SAGE1: variants seen among roughly 807,000 people sequenced by gnomAD.
SAGE1 encodes the protein sarcoma antigen 1.
A neutral mutation model predicts 55.4 loss-of-function variants in SAGE1; 55 were observed. The ratio of observed to expected loss-of-function variants is 0.99; its 90% CI spans 0.80 to 1.24. SAGE1 has a LOEUF of 1.24. Ranked by LOEUF, SAGE1 falls within the 50% of genes most tolerant of loss-of-function variation. The probability of loss-of-function intolerance (pLI) is 0.00; values close to 1 mark genes in which losing one functional copy is unlikely to be tolerated. For synonymous variants in SAGE1, 240 were observed against 244.3 expected, an observed-to-expected ratio of 0.98 and a Z score of 0.17; for missense variants, 710 against 704.4, an observed-to-expected ratio of 1.01 and a Z score of -0.09.
intron 1 of SAGE1, among the ~76,000 whole-genome samples, chrX:135,895,307 A>G (rs2088568421): frequency 8.9e-6 from 1 of 112,023 alleles, no homozygotes; most frequent in Non-Finnish European, 1.9e-5. Flanking sequence ...CAAAATTGAT[A>G]GTATCCAGGA....
chrX:135,901,276 T>G (rs1210360663), intron 2 of SAGE1, among the ~76,000 whole-genome samples: 3 of 110,908 alleles, frequency 2.7e-5, no homozygotes, highest in Non-Finnish European at 5.7e-5. Context: ...CTTTGGATGA[T>G]GAAAGCCACT....
In SAGE1 at chrX:135,907,727, G is replaced by A. The variant is rs782532764; in HGVS notation, c.1045G>A (p.Glu349Lys). 2.5e-6 allele frequency: 3 copies of A among 1,210,160 alleles called. No individual in the cohort carries two copies. Among genetic ancestry groups the A allele is most frequent in the Non-Finnish European group, 3.4e-6 (3 of 894,240 alleles). The stretch of plus-strand genomic sequence containing the variant: ...TGCTACCATCACTCACAATGTCTGT[G>A]AAGAGAGAGTGGTAAATAACCAACC... The part of the protein sequence containing the change: ...QYATITHNVC[E>K]ERVVNNQPLP... The change falls in exon 10 of 20, where the codon GAA becomes AAA. Residue 349 changes from glutamate to lysine, a missense_variant. Physicochemically the swap from Glu to Lys is moderately conservative, Grantham distance 56. Coordinates refer to ENST00000370709, the MANE Select transcript of SAGE1 (RefSeq NM_001381902.1).
intron 2 of SAGE1, among the ~76,000 whole-genome samples, chrX:135,901,141 TAAAAAA>T (rs10604197): frequency 2.0e-5 from 1 of 48,831 alleles, no homozygotes; most frequent in Middle Eastern, 0.012. Flanking sequence ...AGACTCCGTC[TAAAAAA>T]AAAAAAAAAA....
intron 3 of SAGE1, among the ~76,000 whole-genome samples, chrX:135,903,332 C>T (rs1475020113): frequency 8.9e-6 from 1 of 112,764 alleles, no homozygotes; most frequent in Non-Finnish European, 1.9e-5. Flanking sequence ...CTCCCACAGG[C>T]CTGTGGACTG....
At chrX:135,909,903 C>G in intron 14 of SAGE1, 124 bp downstream of exon 14, 11 of 959,936 alleles carry the variant, frequency 1.1e-5, no homozygotes, top group Non-Finnish European at 1.6e-5. Context: ...GTTCTCAGAT[C>G]GCCATCTGGC....
chrX:135,902,484 C>T (rs2088696788), intron 3 of SAGE1, among the ~76,000 whole-genome samples: 1 of 112,495 alleles, frequency 8.9e-6, no homozygotes, highest in African/African-American at 3.2e-5. Context: ...GGTGAAACAT[C>T]CACAAAGGTG....
At position 135,908,958 on chromosome X, in the gene SAGE1, T is replaced by C; in HGVS notation, c.1536T>C (p.Gly512=). 1 of 1,209,836 alleles carries C rather than the reference T, an allele frequency of 8.3e-7. No individual in the cohort carries two copies. The highest frequency in any genetic ancestry group is 1.1e-6 in the Non-Finnish European group (1 of 893,783). The part of the protein sequence containing the change: ...KVISNDAPQL[G]HMAAGGIPSM... ...TATCAAATGATGCACCACAGCTTGG[T>C]CATATGGCTGCAGGTGGTATTCCAT... Residue 512 remains glycine (G), a synonymous_variant, in exon 13 of 20, where the codon GGT becomes GGC. Transcript: ENST00000370709.
chrX:135,912,961 C>A lies in SAGE1; in HGVS notation c.*64C>A. ...TGCTGTAGGATGGAACAGGTTATTG[C>A]TGAAGCTCCCTATAATCCTGAAATG... On this transcript the variant is annotated 3_prime_UTR_variant, in exon 20 of 20. Coordinates refer to ENST00000370709, the MANE Select transcript of SAGE1 (RefSeq NM_001381902.1). 2.8e-6 allele frequency: 2 copies of A among 709,837 alleles called. No individual in the cohort carries two copies. The highest frequency in any genetic ancestry group is 4.3e-6 in the Non-Finnish European group (2 of 464,863). The allele number at this position is 709,837 out of a possible 1,213,427, so 58.5% of individuals were successfully genotyped here.
At chrX:135,910,195 G>A in intron 15 of SAGE1, 25 bp downstream of exon 15, 2 of 1,184,718 alleles carry the variant, frequency 1.7e-6, no homozygotes, top group African/African-American at 1.7e-5. Flanking sequence ...TTGTTGTACT[G>A]TCATACTTGG....
chrX:135,905,217 T>C (rs1556599667), intron 4 of SAGE1, 35 bp from the exon 5 acceptor site: 2 of 1,184,277 alleles, frequency 1.7e-6, no homozygotes, highest in South Asian at 3.7e-5. Flanking sequence ...ATAATGCACA[T>C]ACCTCACAAC....
At position 135,911,127 on chromosome X, in the gene SAGE1, G is replaced by A. The variant is rs1336727261; in HGVS notation, c.2006-65G>A. Reference sequence around the variant, plus strand: ...CGTCCTGGAAACTGAGCATCAGCAGGATATCCCTGTGGGGTTGTCATTATG... The same window carrying A: ...CGTCCTGGAAACTGAGCATCAGCAGAATATCCCTGTGGGGTTGTCATTATG... On this transcript the variant is annotated intron_variant, in intron 16 of 19. Transcript: ENST00000370709. The A allele has an allele frequency of 5.3e-6, 6 of 1,124,372 alleles. No homozygotes were observed. The Admixed American group carries it at 9.1e-5, about 17-fold the overall frequency. 92.7% of individuals were successfully genotyped at this position (1,124,372 alleles called of 1,213,427 possible). A position where few individuals can be genotyped will look rare whatever the true frequency, so the allele number is the denominator to read the frequency against.
intron 9 of SAGE1, 72 bp downstream of exon 9, chrX:135,907,525 G>A: frequency 9.4e-7 from 1 of 1,058,614 alleles, no homozygotes; most frequent in South Asian, 2.2e-5. Context: ...AAGGGAAGGA[G>A]GTTGTTTTAT....
chrX:135,899,015 A>G (rs1163913637), intron 2 of SAGE1, among the ~76,000 whole-genome samples: 1 of 111,773 alleles, frequency 8.9e-6, no homozygotes, highest in Non-Finnish European at 1.9e-5. Context: ...CCATTTGTCA[A>G]CTTTTGCTTT....
rs1382334372 is a variant in SAGE1, at chrX:135,893,733, G to A, written c.-49G>A. Among the ~76,000 whole-genome samples, 1 of 112,084 alleles carries A rather than the reference G, an allele frequency of 8.9e-6. No individual in the cohort carries two copies. ...TGGCCTTCACTATCAACTGCACAGC[G>A]GGCAGAGGCAGAGGAACACAGAACC... On this transcript the variant is annotated 5_prime_UTR_variant, in exon 1 of 20. Transcript: ENST00000370709.
chrX:135,902,087 C>T (rs2088689068), intron 3 of SAGE1, among the ~76,000 whole-genome samples: 1 of 111,943 alleles, frequency 8.9e-6, no homozygotes, highest in African/African-American at 3.3e-5. Flanking sequence ...TCCCCAGACA[C>T]CTGGATTTCT....
intron 2 of SAGE1, among the ~76,000 whole-genome samples, chrX:135,900,774 T>C (rs199921021): frequency 9.4e-6 from 1 of 105,920 alleles, no homozygotes; most frequent in African/African-American, 3.5e-5. Flanking sequence ...ATTTATCTTT[T>C]CAATCTATCC....
chrX:135,895,281 G>A (rs2088567532), intron 1 of SAGE1, among the ~76,000 whole-genome samples: 1 of 111,647 alleles, frequency 9.0e-6, no homozygotes, highest in Non-Finnish European at 1.9e-5. Flanking sequence ...AGAATTCCTT[G>A]TTTATATGGA....
intron 11 of SAGE1, 57 bp from the exon 12 acceptor site, chrX:135,908,420 T>G (rs1361638786): frequency 8.7e-7 from 1 of 1,145,719 alleles, no homozygotes; most frequent in African/African-American, 1.8e-5. Flanking sequence ...GATATATACA[T>G]GTGTGCTTGG....
chrX:135,911,457 C>G, intron 17 of SAGE1, 122 bp from the exon 18 acceptor site: 1 of 878,297 alleles, frequency 1.1e-6, no homozygotes, highest in East Asian at 3.1e-5. Context: ...TCTTGGATCA[C>G]CACCTGGTGT....
Sources: gnomAD v4.1 joint callset for allele counts (sites outside exome capture counted in the v4.1 genomes callset) on GRCh38, gnomAD v4.1.1 for gene constraint, MANE v1.5 for transcripts, NCBI Gene and HGNC (gene_info 2026-07-23, HGNC 2026-07-21) for gene names.